The following DOCK10 variants were observed in gnomAD, a reference collection of about 807,000 sequenced individuals.
DOCK10 encodes dedicator of cytokinesis protein 10.
DOCK10 carries 145 observed loss-of-function variants against 280.1 expected under a neutral mutation model. The observed-to-expected ratio is 0.52, with a 90% confidence interval of 0.45 to 0.59. The LOEUF is 0.59. Ranked by LOEUF, DOCK10 falls within the 20% of genes least tolerant of loss-of-function variation. DOCK10 has a pLI of 0.00. For synonymous variants in DOCK10, 915 were observed against 942.2 expected, an observed-to-expected ratio of 0.97 and a Z score of 0.53; for missense variants, 2,368 against 2,651.7, an observed-to-expected ratio of 0.89 and a Z score of 2.35.
At chr2:225,015,852 C>T (rs191582594) in intron 1 of DOCK10, among the ~76,000 whole-genome samples, 112 of 152,084 alleles carry the variant, frequency 7.4e-4, no homozygotes, top group African/African-American at 2.5e-3. Context: ...TTGTATTTAC[C>T]TTTACATTTG....
chr2:224,772,243 T>C (rs142759370), intron 53 of DOCK10, among the ~76,000 whole-genome samples: 257 of 152,322 alleles, frequency 1.7e-3, no homozygotes, highest in Middle Eastern at 3.4e-3. Context: ...TAGGGTCCAA[T>C]ATAGCTGTGC....
Position 224,805,096 on chromosome 2 carries a change from A to G in DOCK10, c.4080T>C (p.Ala1360=). The change falls in exon 37 of 56, where the codon GCT becomes GCC. Residue 1360 remains alanine (A), a synonymous_variant. Transcript: ENST00000258390. The surrounding 1 kb of genome is among the most constrained non-coding windows in gnomAD (Gnocchi z 4.3). ...YETLIAYWQR[A]PSPEVSDFFS... Reference sequence around the variant, plus strand: ...AGAAGTCGGACACCTCTGGGCTGGGAGCTCTCTGCCAGTAGGCAATCAGAG... The same window carrying G: ...AGAAGTCGGACACCTCTGGGCTGGGGGCTCTCTGCCAGTAGGCAATCAGAG... 10 of 1,611,822 alleles carry G rather than the reference A, an allele frequency of 6.2e-6. No individual in the cohort carries two copies. Among genetic ancestry groups the G allele is most frequent in the Non-Finnish European group, 8.5e-6 (10 of 1,178,946 alleles).
At chr2:225,022,745 C>T (rs139872387) in intron 1 of DOCK10, among the ~76,000 whole-genome samples, 1 of 152,158 alleles carries the variant, frequency 6.6e-6, no homozygotes, top group African/African-American at 2.4e-5. Flanking sequence ...AACATATGCA[C>T]AACAAATGCC....
intron 1 of DOCK10, among the ~76,000 whole-genome samples, chr2:225,037,717 T>G (rs1690299392): frequency 6.6e-6 from 1 of 152,230 alleles, no homozygotes; most frequent in Non-Finnish European, 1.5e-5. Flanking sequence ...ACAAATTATT[T>G]ACCTTAATGC....
chr2:224,855,042 C>A lies in DOCK10; in HGVS notation c.1809G>T (p.Arg603Ser). The change falls in exon 16 of 56, where the codon AGG becomes AGT. Residue 603 changes from arginine to serine, a missense_variant and splice_region_variant. By Grantham distance (110) the Arg-to-Ser change is moderately radical. Around this residue, in one of 2 missense-constraint regions of DOCK10, gnomAD observed 1,209 missense variants for 1,250.9 expected, o/e 0.97. Coordinates refer to ENST00000258390, the MANE Select transcript of DOCK10 (RefSeq NM_014689.3). ...TCTGCATTTTGCTTATTCTGTCGGCCCTGTAAGAGTGCATGAGCAAGGACA... is the reference window on the plus strand; with the variant it reads ...TCTGCATTTTGCTTATTCTGTCGGCACTGTAAGAGTGCATGAGCAAGGACA... ...DLVKLVSDYRRADRISKMQTI... is the reference protein window; with the variant it reads ...DLVKLVSDYRSADRISKMQTI... 1 of 1,565,158 alleles carries A rather than the reference C, an allele frequency of 6.4e-7. No homozygotes were observed. The highest frequency in any genetic ancestry group is 8.7e-7 in the Non-Finnish European group (1 of 1,149,944).
chr2:224,804,981 TTGAAA>T (rs1693290845), intron 37 of DOCK10, 72 bp downstream of exon 37: 9 of 1,371,286 alleles, frequency 6.6e-6, no homozygotes, highest in Non-Finnish European at 8.9e-6. Context: ...ATATGGGTTC[TTGAAA>T]TGAAACATGG....
chr2:224,807,570 T>G (rs1348345022), intron 33 of DOCK10, 98 bp downstream of exon 33: 2 of 765,850 alleles, frequency 2.6e-6, no homozygotes, highest in Non-Finnish European at 4.4e-6. Flanking sequence ...GCCTAGTATG[T>G]TCACAGATGA....
At chr2:224,825,764 C>T (rs1367510510) in intron 27 of DOCK10, among the ~76,000 whole-genome samples, 11 of 152,226 alleles carry the variant, frequency 7.2e-5, no homozygotes, top group East Asian at 1.9e-4. Flanking sequence ...CCTAAAGACT[C>T]GAGGTGGAAG....
rs144334917 is a variant in DOCK10, at chr2:225,035,391, T to C, written c.123+6861A>G. On this transcript the variant is annotated intron_variant, in intron 1 of 55. Transcript: ENST00000258390. ...AGCATGAATTCAAGAGGTATCACTT[T>C]TTCTAGGAGTCAATGACTGTGAGAG... Among the ~76,000 whole-genome samples, 1,295 of 151,620 alleles carry C rather than the reference T, an allele frequency of 8.5e-3. 18 individuals are homozygous for C. The highest frequency in any genetic ancestry group is 0.015 in the Non-Finnish European group (984 of 67,818).
At chr2:224,867,310 T>C (rs1697993029) in intron 11 of DOCK10, among the ~76,000 whole-genome samples, 1 of 152,218 alleles carries the variant, frequency 6.6e-6, no homozygotes, top group African/African-American at 2.4e-5. Flanking sequence ...CAGTTACTTA[T>C]TGGTTCAAAG....
At position 224,837,683 on chromosome 2, in the gene DOCK10, C is replaced by T. The variant is rs143074331; in HGVS notation, c.2850+79G>A. On this transcript the variant is annotated intron_variant, in intron 25 of 55. Transcript: ENST00000258390. ...CCACTCAGTTAAAGGGAGAAAACTTCCCACTTACTGCAGACAGGAAATGAG... is the reference window on the plus strand; with the variant it reads ...CCACTCAGTTAAAGGGAGAAAACTTTCCACTTACTGCAGACAGGAAATGAG... The T allele has an allele frequency of 1.2e-3, 1,481 of 1,259,372 alleles. 5 individuals carry two copies. The highest frequency in any genetic ancestry group is 1.6e-3 in the Admixed American group (91 of 58,232). The allele number at this position is 1,259,372 out of a possible 1,614,324, so 78.0% of individuals were successfully genotyped here. A position where few individuals can be genotyped will look rare whatever the true frequency, so the allele number is the denominator to read the frequency against.
chr2:224,773,379 G>T (rs1690585437), intron 52 of DOCK10, 32 bp from the exon 53 acceptor site: 1 of 1,581,162 alleles, frequency 6.3e-7, no homozygotes. Context: ...GGATTTCAAG[G>T]TTGAGGATTA....
intron 14 of DOCK10, chr2:224,861,283 T>C (rs955855603): frequency 1.3e-5 from 2 of 152,246 alleles, no homozygotes; most frequent in African/African-American, 4.8e-5. Flanking sequence ...CGCCAAATGC[T>C]TGTGCACTTG....
intron 1 of DOCK10, among the ~76,000 whole-genome samples, chr2:225,012,490 A>T (rs947487354): frequency 1.2e-4 from 19 of 152,224 alleles, no homozygotes; most frequent in African/African-American, 4.3e-4. Flanking sequence ...TAGGATGAAG[A>T]CAATTCCCAA....
chr2:224,942,779 G>C (rs1253715192), intron 1 of DOCK10, among the ~76,000 whole-genome samples: 1 of 152,060 alleles, frequency 6.6e-6, no homozygotes, highest in Non-Finnish European at 1.5e-5. Context: ...GTGCTAATAG[G>C]TACTTTAAAG....
intron 1 of DOCK10, among the ~76,000 whole-genome samples, chr2:224,942,263 C>T (rs1473828398): frequency 6.6e-6 from 1 of 152,240 alleles, no homozygotes; most frequent in African/African-American, 2.4e-5. Flanking sequence ...AGTGTTGCAG[C>T]TCACACCCAG....
At chr2:224,928,025 C>A (rs1249457295) in intron 2 of DOCK10, among the ~76,000 whole-genome samples, 3 of 152,174 alleles carry the variant, frequency 2.0e-5, no homozygotes, top group Non-Finnish European at 2.9e-5. Context: ...ATTGACTCCA[C>A]ACACCCCAGA....
chr2:225,024,727 C>CAAA (rs60970681), intron 1 of DOCK10, among the ~76,000 whole-genome samples: 29,339 of 144,960 alleles, frequency 0.2, 3,074 homozygotes, highest in African/African-American at 0.22. Context: ...ACTAAAAATA[C>CAAA]AAAAAAAAAA....
chr2:224,966,531 C>T (rs554562306), intron 1 of DOCK10, among the ~76,000 whole-genome samples: 3 of 152,110 alleles, frequency 2.0e-5, no homozygotes, highest in Non-Finnish European at 4.4e-5. Context: ...GAGATGTTTG[C>T]TTTATCGCTA....
Sources: gnomAD v4.1 joint callset for allele counts (sites outside exome capture counted in the v4.1 genomes callset) on GRCh38, gnomAD v4.1.1 for gene constraint, gnomAD v4.1.1 regional missense constraint, Gnocchi (gnomAD v3.1) non-coding constraint, MANE v1.5 for transcripts, NCBI Gene and HGNC (gene_info 2026-07-23, HGNC 2026-07-21) for gene names.